DCLK1: variants seen among roughly 807,000 people sequenced by gnomAD.
DCLK1 encodes the protein serine/threonine-protein kinase DCLK1.
A neutral mutation model predicts 86.2 loss-of-function variants in DCLK1; 16 were observed. The observed-to-expected ratio is 0.19, with a 90% confidence interval of 0.13 to 0.28. The LOEUF (loss-of-function observed/expected upper bound fraction) is 0.28. DCLK1 is among the 10% of genes least tolerant of loss of function. The probability of loss-of-function intolerance (pLI) is 1.00; values close to 1 mark genes in which losing one functional copy is unlikely to be tolerated. For missense variants in DCLK1, 590 were observed against 940.2 expected, an observed-to-expected ratio of 0.63 and a Z score of 4.87; for synonymous variants, 369 against 370.5, an observed-to-expected ratio of 1.00 and a Z score of 0.05.
chr13:35,864,521 C>T lies in DCLK1; in HGVS notation c.940+6703G>A, dbSNP rs1871638858. Among the ~76,000 whole-genome samples the T allele has an allele frequency of 1.5e-5, 2 of 130,626 alleles. 1 individual carries two copies. Among genetic ancestry groups the T allele is most frequent in the African/African-American group, 6.0e-5 (2 of 33,584 alleles). 85.7% of individuals were successfully genotyped at this position (130,626 alleles called of 152,430 possible). On this transcript the variant is annotated intron_variant, in intron 5 of 16. Coordinates refer to ENST00000360631, the MANE Select transcript of DCLK1 (RefSeq NM_001330071.2). ...CGGAGCTTGCAGTGAGCCGAGATCC[C>T]GCCACTGCACTCCAGCCTGGGCGAC... is the stretch of plus-strand genomic sequence containing the variant.
At chr13:36,094,785 C>T (rs552869581) in intron 3 of DCLK1, among the ~76,000 whole-genome samples, 5 of 152,156 alleles carry the variant, frequency 3.3e-5, no homozygotes, top group South Asian at 4.2e-4. Context: ...GAAACAATTT[C>T]GGGCCAGGAA....
At chr13:35,923,597 G>A in intron 4 of DCLK1, among the ~76,000 whole-genome samples, 1 of 152,084 alleles carries the variant, frequency 6.6e-6, no homozygotes, top group South Asian at 2.1e-4. Flanking sequence ...ACACACGCTG[G>A]CTCAGCCCCT....
intron 3 of DCLK1, among the ~76,000 whole-genome samples, chr13:36,098,831 A>G (rs536113219): frequency 8.5e-5 from 13 of 152,216 alleles, no homozygotes; most frequent in Non-Finnish European, 1.5e-4. Context: ...CAGGCTCATA[A>G]AACTGAGGGC....
At chr13:35,812,860 C>T (rs55641816) in intron 11 of DCLK1, among the ~76,000 whole-genome samples, 16,571 of 148,254 alleles carry the variant, frequency 0.11, 1,042 homozygotes, top group East Asian at 0.18. Context: ...GTGGCTTTGC[C>T]CAGCTGTCAT....
intron 8 of DCLK1, among the ~76,000 whole-genome samples, chr13:35,831,357 A>G (rs1220602738): frequency 2.0e-5 from 3 of 152,210 alleles, no homozygotes; most frequent in African/African-American, 7.2e-5. Flanking sequence ...GCTAGTCTAG[A>G]AAGTGTGCCT....
rs553899686 is a variant in DCLK1 at position 36,071,402 on chromosome 13, A to G, written c.723+40467T>C. On this transcript the variant is annotated intron_variant, in intron 3 of 16. Coordinates refer to ENST00000360631, the MANE Select transcript of DCLK1 (RefSeq NM_001330071.2). Reference sequence around the variant, plus strand: ...AAGCCTCATTCTGTTAAGTATTATTATACTCACTTCAGATATGAGGAAACA... The same window carrying G: ...AAGCCTCATTCTGTTAAGTATTATTGTACTCACTTCAGATATGAGGAAACA... Among the ~76,000 whole-genome samples, 4 of 152,306 alleles carry G rather than the reference A, an allele frequency of 2.6e-5. 1 individual carries two copies. Among genetic ancestry groups the G allele is most frequent in the African/African-American group, 9.6e-5 (4 of 41,580 alleles).
At chr13:35,945,820 G>T (rs967017905) in intron 4 of DCLK1, among the ~76,000 whole-genome samples, 1 of 152,276 alleles carries the variant, frequency 6.6e-6, no homozygotes. Context: ...GGGCACGTAG[G>T]TCAGAAATAA....
intron 4 of DCLK1, among the ~76,000 whole-genome samples, chr13:35,914,272 T>C (rs1875230099): frequency 6.8e-6 from 1 of 148,136 alleles, no homozygotes; most frequent in Non-Finnish European, 1.5e-5. Flanking sequence ...TGAGCTGAGA[T>C]TGTGCCACTG....
At chr13:35,794,362 C>A (rs1245356842) in intron 15 of DCLK1, among the ~76,000 whole-genome samples, 2 of 152,176 alleles carry the variant, frequency 1.3e-5, no homozygotes, top group East Asian at 3.8e-4. Context: ...TTGTAACTCA[C>A]TGCTAAAAAG....
chr13:36,034,973 C>T (rs1283279047), intron 3 of DCLK1, among the ~76,000 whole-genome samples: 1 of 152,172 alleles, frequency 6.6e-6, no homozygotes, highest in South Asian at 2.1e-4. Context: ...CAGCATATTA[C>T]TAGCTGGGCA....
Position 36,040,854 on chromosome 13 carries a change from A to G in DCLK1, c.723+71015T>C, listed in dbSNP as rs577862817. On this transcript the variant is annotated intron_variant, in intron 3 of 16. Coordinates refer to ENST00000360631, the MANE Select transcript of DCLK1 (RefSeq NM_001330071.2). The stretch of plus-strand genomic sequence containing the variant: ...GCTACTTTATTGAATGTGTTGGTCA[A>G]ATTGTTCCAGTTTGGCCATTGTGAG... 3.3e-5 allele frequency among the ~76,000 whole-genome samples: 5 copies of G among 152,256 alleles called. No homozygotes were observed. The East Asian group carries it at 7.7e-4, about 24-fold the overall frequency.
Position 35,774,331 on chromosome 13 carries a change from G to A in DCLK1, c.*204C>T. ...TAACCCTTTGAGGACTCTATTAGCAGCAAATTACCATCTTCACAATCACCA... is the reference window on the plus strand; with the variant it reads ...TAACCCTTTGAGGACTCTATTAGCAACAAATTACCATCTTCACAATCACCA... On this transcript the variant is annotated 3_prime_UTR_variant, in exon 17 of 17. Transcript: ENST00000360631. 1 of 698,388 alleles carries A rather than the reference G, an allele frequency of 1.4e-6. No homozygotes were observed. Among genetic ancestry groups the A allele is most frequent in the Non-Finnish European group, 2.3e-6 (1 of 442,034 alleles). 43.3% of individuals were successfully genotyped at this position (698,388 alleles called of 1,614,324 possible).
chr13:35,824,780 C>T (rs181075725), intron 10 of DCLK1, among the ~76,000 whole-genome samples: 12 of 152,282 alleles, frequency 7.9e-5, no homozygotes, highest in Admixed American at 2.6e-4. Flanking sequence ...TATATTCTGC[C>T]CCAACCTTCA....
At chr13:36,059,809 A>C (rs547863979) in intron 3 of DCLK1, among the ~76,000 whole-genome samples, 109 of 152,256 alleles carry the variant, frequency 7.2e-4, no homozygotes, top group African/African-American at 2.5e-3. Context: ...TAAAGCCTGA[A>C]GGAGAATTTC....
At chr13:35,964,782 A>G (rs368857810) in intron 3 of DCLK1, among the ~76,000 whole-genome samples, 6 of 68,946 alleles carry the variant, frequency 8.7e-5, no homozygotes, top group African/African-American at 1.7e-4. Context: ...AAATGGTTGG[A>G]AAAAAAAAAA....
chr13:35,874,602 AT>A (rs1872487714), intron 4 of DCLK1, among the ~76,000 whole-genome samples: 1 of 152,174 alleles, frequency 6.6e-6, no homozygotes, highest in Non-Finnish European at 1.5e-5. Flanking sequence ...CCTGCAAGAT[AT>A]TTCTGTTTTT....
chr13:35,845,180 G>A (rs947891181), intron 6 of DCLK1, among the ~76,000 whole-genome samples: 8 of 152,234 alleles, frequency 5.3e-5, no homozygotes, highest in Non-Finnish European at 8.8e-5. Flanking sequence ...CCCAGAAGGC[G>A]GAGGTTGCAG....
intron 3 of DCLK1, among the ~76,000 whole-genome samples, chr13:36,095,428 A>G (rs1884978120): frequency 1.3e-5 from 2 of 151,008 alleles, no homozygotes. Context: ...CTGGTCTCGA[A>G]CTCCTGAGCT....
At chr13:35,999,981 C>T (rs1055559290) in intron 3 of DCLK1, among the ~76,000 whole-genome samples, 2 of 152,192 alleles carry the variant, frequency 1.3e-5, no homozygotes, top group Non-Finnish European at 2.9e-5. Context: ...GACAGTTATG[C>T]AGGAAGAGGG....
Sources: gnomAD v4.1 joint callset for allele counts (sites outside exome capture counted in the v4.1 genomes callset) on GRCh38, gnomAD v4.1.1 for gene constraint, MANE v1.5 for transcripts, NCBI Gene and HGNC (gene_info 2026-07-23, HGNC 2026-07-21) for gene names.